Variants in CDH18 observed in about 807,000 individuals in gnomAD.
CDH18 encodes cadherin 18.
In CDH18, 31 loss-of-function variants were observed where a neutral mutation model predicts 67.9. That is an observed-to-expected ratio of 0.46 (90% CI 0.34 to 0.62). CDH18 has a LOEUF of 0.62. Ranked by LOEUF, CDH18 falls within the 20% of genes least tolerant of loss-of-function variation. The probability of loss-of-function intolerance (pLI) is 0.01; values close to 1 mark genes in which losing one functional copy is unlikely to be tolerated. For missense variants in CDH18, 890 were observed against 975.5 expected (o/e 0.91, Z 1.17); for synonymous variants, 362 against 347.2 (o/e 1.04, Z -0.48).
At chr5:19,890,797 G>A (rs1156615184) in intron 2 of CDH18, among the ~76,000 whole-genome samples, 1 of 152,012 alleles carries the variant, frequency 6.6e-6, no homozygotes, top group Non-Finnish European at 1.5e-5. Flanking sequence ...GTTTCACCAT[G>A]TTGGCCAGGC....
chr5:20,095,365 ACAG>A (rs1745831261), intron 2 of CDH18, among the ~76,000 whole-genome samples: 1 of 142,332 alleles, frequency 7.0e-6, no homozygotes, highest in African/African-American at 2.6e-5. Context: ...GAAAGAAAAG[ACAG>A]AAGAAAGAAA....
intron 2 of CDH18, among the ~76,000 whole-genome samples, chr5:20,112,784 C>T (rs1259466488): frequency 5.3e-5 from 8 of 152,112 alleles, no homozygotes; most frequent in African/African-American, 1.9e-4. Context: ...ATTTTTCACC[C>T]AATACATTAC....
chr5:20,214,880 G>C (rs1292057819), intron 2 of CDH18, among the ~76,000 whole-genome samples: 2 of 151,928 alleles, frequency 1.3e-5, no homozygotes, highest in South Asian at 2.1e-4. Flanking sequence ...CACAGCAAAA[G>C]AAACTATCAA....
intron 7 of CDH18, among the ~76,000 whole-genome samples, chr5:19,580,053 A>G (rs998526022): frequency 6.6e-6 from 1 of 151,880 alleles, no homozygotes; most frequent in Non-Finnish European, 1.5e-5. Flanking sequence ...ATAATTATAC[A>G]TATTTACGGG....
Position 20,061,826 on chromosome 5 carries a change from C to T in CDH18, c.-517-69812G>A, listed in dbSNP as rs562291002. Among the ~76,000 whole-genome samples the T allele has an allele frequency of 3.3e-5, 5 of 152,096 alleles. No homozygotes were observed. In the South Asian group the frequency reaches 1.0e-3, roughly 32 times the overall value. On this transcript the variant is annotated intron_variant, in intron 2 of 14. Transcript: ENST00000507958. ...AAGTCTACCTTTGAAAGTGAATGTC[C>T]CATTTATTCTTTCCTTTTAGTTTAA...
chr5:20,101,799 C>A (rs149290582), intron 2 of CDH18, among the ~76,000 whole-genome samples: 1 of 152,184 alleles, frequency 6.6e-6, no homozygotes, highest in African/African-American at 2.4e-5. Flanking sequence ...GCTAGCCGGG[C>A]GTGTTGGCTC....
chr5:20,325,141 A>T (rs1479362978), intron 1 of CDH18, among the ~76,000 whole-genome samples: 1 of 152,232 alleles, frequency 6.6e-6, no homozygotes, highest in South Asian at 2.1e-4. Flanking sequence ...ATGATCAGAC[A>T]TTGAAAAATA....
At chr5:20,312,464 C>T (rs777903429) in intron 1 of CDH18, among the ~76,000 whole-genome samples, 2 of 152,090 alleles carry the variant, frequency 1.3e-5, no homozygotes, top group Non-Finnish European at 2.9e-5. Context: ...ATTTTTACCA[C>T]TTATTAGGTT....
intron 2 of CDH18, among the ~76,000 whole-genome samples, chr5:20,106,350 T>C (rs547542481): frequency 6.6e-6 from 1 of 152,346 alleles, no homozygotes; most frequent in East Asian, 1.9e-4. Flanking sequence ...TTCTTAACGC[T>C]GTTTACACCT....
At chr5:20,397,194 G>C (rs567311923) in intron 1 of CDH18, among the ~76,000 whole-genome samples, 2 of 152,030 alleles carry the variant, frequency 1.3e-5, no homozygotes, top group African/African-American at 4.8e-5. Flanking sequence ...GCAGTGGTAC[G>C]ATCTTGGCTC....
intron 2 of CDH18, among the ~76,000 whole-genome samples, chr5:20,103,938 C>T (rs1350717588): frequency 6.6e-6 from 1 of 151,364 alleles, no homozygotes; most frequent in East Asian, 1.9e-4. Context: ...GAGTTGCCTA[C>T]AGTATTCAAT....
chr5:19,511,348 G>T (rs571363592), intron 10 of CDH18, among the ~76,000 whole-genome samples: 1 of 152,076 alleles, frequency 6.6e-6, no homozygotes, highest in Non-Finnish European at 1.5e-5. Context: ...TTGGTACCAC[G>T]GAGAGTGGGA....
chr5:19,552,737 G>A (rs541890224), intron 8 of CDH18, among the ~76,000 whole-genome samples: 2 of 152,198 alleles, frequency 1.3e-5, no homozygotes, highest in African/African-American at 4.8e-5. Flanking sequence ...GTCTTTATTA[G>A]CCCTCTAACT....
At chr5:20,211,303 C>T (rs1420317815) in intron 2 of CDH18, among the ~76,000 whole-genome samples, 1 of 152,100 alleles carries the variant, frequency 6.6e-6, no homozygotes. Context: ...CTGTAGACTC[C>T]ACCTCTGGGG....
chr5:19,915,147 CTG>C (rs1791614200), intron 2 of CDH18, among the ~76,000 whole-genome samples: 1 of 152,134 alleles, frequency 6.6e-6, no homozygotes, highest in Non-Finnish European at 1.5e-5. Context: ...CTGCCTGAAT[CTG>C]TCTTTGATTT....
At chr5:20,332,801 G>A (rs954454873) in intron 1 of CDH18, among the ~76,000 whole-genome samples, 1 of 152,124 alleles carries the variant, frequency 6.6e-6, no homozygotes, top group African/African-American at 2.4e-5. Context: ...GGTTACGGGT[G>A]GCTGAAAAGT....
In CDH18 at chr5:20,460,724, A is replaced by G. The variant is rs562713115; in HGVS notation, c.-580+114738T>C. Reference sequence around the variant, plus strand: ...GGATGAACTCTGTTTGTAGCTCCTTATTTCTTGTATCAAATAATCTGCTGT... The same window carrying G: ...GGATGAACTCTGTTTGTAGCTCCTTGTTTCTTGTATCAAATAATCTGCTGT... On this transcript the variant is annotated intron_variant, in intron 1 of 14. Transcript: ENST00000507958. Among the ~76,000 whole-genome samples, 239 of 152,226 alleles carry G rather than the reference A, an allele frequency of 1.6e-3. 2 individuals carry two copies. Among genetic ancestry groups the G allele is most frequent in the Non-Finnish European group, 1.2e-3 (82 of 68,014 alleles).
chr5:20,572,404 C>T (rs1222048667), intron 1 of CDH18, among the ~76,000 whole-genome samples: 3 of 150,422 alleles, frequency 2.0e-5, no homozygotes, highest in South Asian at 2.1e-4. Context: ...TCTTATGATG[C>T]TGTTTGCATA....
chr5:19,532,375 C>A (rs1265274312), intron 9 of CDH18, among the ~76,000 whole-genome samples: 1 of 152,056 alleles, frequency 6.6e-6, no homozygotes, highest in South Asian at 2.1e-4. Flanking sequence ...TTAAGAAGTA[C>A]CTTATACATA....
Sources: gnomAD v4.1 joint callset for allele counts (sites outside exome capture counted in the v4.1 genomes callset) on GRCh38, gnomAD v4.1.1 for gene constraint, MANE v1.5 for transcripts, NCBI Gene and HGNC (gene_info 2026-07-23, HGNC 2026-07-21) for gene names.